Variants in ODR4 observed in about 807,000 individuals in gnomAD.
The protein encoded by ODR4 is odr-4 GPCR localization factor homolog.
Under a neutral mutation model 60.2 loss-of-function variants are expected in ODR4, and 47 were observed. The observed-to-expected ratio is 0.78, with a 90% CI of 0.62 to 1.00. The LOEUF is 1.00. Among genes scored for constraint, ODR4 ranks in the 50% least tolerant of loss-of-function variants. The pLI is 0.00. For missense variants in ODR4, 488 were observed against 530.8 expected, an observed-to-expected ratio of 0.92 and a Z score of 0.79; for synonymous variants, 178 against 175.5, an observed-to-expected ratio of 1.01 and a Z score of -0.11.
the ODR4 span, among the ~76,000 whole-genome samples, chr1:186,431,628 T>G: frequency 6.6e-6 from 1 of 152,190 alleles, no homozygotes; most frequent in Non-Finnish European, 1.5e-5. Flanking sequence ...AGTATTTTTA[T>G]GGAAGCCAAT....
chr1:186,398,990 C>G lies in ODR4; in HGVS notation c.946C>G (p.Arg316Gly). The change falls in exon 11 of 14, where the codon CGT becomes GGT. Residue 316 changes from arginine to glycine, a missense_variant. Coordinates refer to ENST00000287859, the MANE Select transcript of ODR4 (RefSeq NM_017847.6). ...KRDILNTVAD[R>G]CEMLFEDLLL... is the part of the protein sequence containing the mutation. Reference sequence around the variant, plus strand: ...GGATATATTGAACACAGTTGCTGATCGTTGTGAAATGCTATTTGAGGATCT... The same window carrying G: ...GGATATATTGAACACAGTTGCTGATGGTTGTGAAATGCTATTTGAGGATCT... The G allele has an allele frequency of 1.2e-6, 2 of 1,612,664 alleles. No homozygotes were observed. The highest frequency in any genetic ancestry group is 1.7e-6 in the Non-Finnish European group (2 of 1,179,406).
chr1:186,394,420 A>G (rs1220347097), intron 9 of ODR4, among the ~76,000 whole-genome samples: 1 of 152,162 alleles, frequency 6.6e-6, no homozygotes, highest in Admixed American at 6.5e-5. Context: ...ATACCCCCTG[A>G]TTTGATAAAA....
chr1:186,379,796 C>G lies in ODR4; in HGVS notation c.11C>G (p.Thr4Ser), dbSNP rs538443709. Residue 4 changes from threonine (T) to serine (S), a missense_variant, in exon 2 of 14, where the codon ACC (threonine) becomes AGC (serine). Transcript: ENST00000287859. The part of the protein sequence containing the change: MGR[T>S]YIVEETVGQY... Reference sequence around the variant, plus strand: ...TTTTAGTTCCTAAAAATGGGAAGAACCTACATTGTAGAAGAGACTGTTGGC... The same window carrying G: ...TTTTAGTTCCTAAAAATGGGAAGAAGCTACATTGTAGAAGAGACTGTTGGC... 1 of 1,588,044 alleles carries G rather than the reference C, an allele frequency of 6.3e-7. No homozygotes were observed. Among genetic ancestry groups the G allele is most frequent in the South Asian group, 1.2e-5 (1 of 85,944 alleles).
intron 5 of ODR4, among the ~76,000 whole-genome samples, chr1:186,388,801 A>G (rs1348848200): frequency 6.6e-6 from 1 of 152,188 alleles, no homozygotes; most frequent in African/African-American, 2.4e-5. Context: ...TTTACCAGCT[A>G]TCTGCCCTGT....
intron 7 of ODR4, among the ~76,000 whole-genome samples, chr1:186,391,144 T>C (rs61810295): frequency 9.3e-4 from 141 of 152,274 alleles, no homozygotes; most frequent in Middle Eastern, 3.4e-3. Flanking sequence ...TGCTTTGTCA[T>C]TAAACTAAAT....
At position 186,398,379 on chromosome 1, in the gene ODR4, G is replaced by A; in HGVS notation, c.847G>A (p.Gly283Ser). Residue 283 changes from glycine to serine, a missense_variant, in exon 10 of 14, where the codon GGT becomes AGT. Coordinates refer to ENST00000287859, the MANE Select transcript of ODR4 (RefSeq NM_017847.6). ...QICSGSVNLK[G>S]AVKCRAYIHS... ...ATGTAGCGGTTCTGTAAACCTTAAG[G>A]GTGCTGTGAAATGCAGAGCTTATAT... 6.2e-7 allele frequency: 1 copy of A among 1,611,344 alleles called. No individual in the cohort carries two copies. The highest frequency in any genetic ancestry group is 8.5e-7 in the Non-Finnish European group (1 of 1,178,444).
intron 4 of ODR4, among the ~76,000 whole-genome samples, chr1:186,386,854 A>C (rs1027531193): frequency 6.6e-6 from 1 of 152,184 alleles, no homozygotes; most frequent in Non-Finnish European, 1.5e-5. Flanking sequence ...CACAGTATCT[A>C]TCAGAAATCT....
At chr1:186,423,612 G>A (rs749333041), downstream of ODR4, among the ~76,000 whole-genome samples, 4 of 151,398 alleles carry the variant, frequency 2.6e-5, no homozygotes, top group African/African-American at 7.3e-5. Context: ...CCACCACCAC[G>A]CCCGGCTAAT....
chr1:186,417,671 CT>C lies in ODR4; in HGVS notation c.1297+21del. Reference sequence around the variant, plus strand: ...AAAACATAGGTATTTAATTTTACTTCTTTTATAACACTGAAAACATATTTAG... The same window carrying C: ...AAAACATAGGTATTTAATTTTACTTCTTTATAACACTGAAAACATATTTAG... On this transcript the variant is annotated intron_variant, in intron 13 of 13. Transcript: ENST00000287859. 1 of 1,230,718 alleles carries C rather than the reference CT, an allele frequency of 8.1e-7. No individual in the cohort carries two copies. 76.2% of individuals were successfully genotyped at this position (1,230,718 alleles called of 1,614,324 possible). A position where few individuals can be genotyped will look rare whatever the true frequency, so the allele number is the denominator to read the frequency against.
At chr1:186,387,840 A>G (rs1408103058) in intron 4 of ODR4, among the ~76,000 whole-genome samples, 1 of 152,144 alleles carries the variant, frequency 6.6e-6, no homozygotes, top group African/African-American at 2.4e-5. Context: ...CATTTTTATA[A>G]TTCTTATTTC....
chr1:186,396,402 A>G (rs1660675287), intron 9 of ODR4, among the ~76,000 whole-genome samples: 1 of 152,150 alleles, frequency 6.6e-6, no homozygotes, highest in African/African-American at 2.4e-5. Context: ...TGAGCCTAGG[A>G]GTTCAAGATG....
chr1:186,412,021 CCT>C (rs1247879887), intron 12 of ODR4: 1 of 173,586 alleles, frequency 5.8e-6, no homozygotes, highest in Non-Finnish European at 1.1e-5. Context: ...AGGACTCTGC[CCT>C]GTTTTTGAAA....
intron 12 of ODR4, among the ~76,000 whole-genome samples, chr1:186,409,570 G>T (rs896042178): frequency 7.2e-5 from 11 of 152,108 alleles, no homozygotes; most frequent in Non-Finnish European, 1.2e-4. Flanking sequence ...TTTTGAGACG[G>T]AGTCTCGCTC....
intron 9 of ODR4, among the ~76,000 whole-genome samples, chr1:186,397,868 C>T (rs1396767109): frequency 6.6e-6 from 1 of 152,124 alleles, no homozygotes; most frequent in Non-Finnish European, 1.5e-5. Context: ...TGTGTCTGTG[C>T]ATTGCTTGTA....
chr1:186,382,157 A>G (rs1375871574), intron 2 of ODR4, among the ~76,000 whole-genome samples: 1 of 151,044 alleles, frequency 6.6e-6, no homozygotes, highest in African/African-American at 2.4e-5. Context: ...TGTAATCCCA[A>G]TGCTTTGGGA....
chr1:186,394,048 A>AT, intron 9 of ODR4, 33 bp downstream of exon 9: 6 of 1,129,580 alleles, frequency 5.3e-6, no homozygotes, highest in Non-Finnish European at 7.7e-6. Context: ...TAAAATATTT[A>AT]TTAGCATAAC....
chr1:186,379,616 CAAG>C (rs879343539), intron 1 of ODR4, among the ~76,000 whole-genome samples, 148 bp from the exon 2 acceptor site: 8 of 152,106 alleles, frequency 5.3e-5, no homozygotes, highest in Non-Finnish European at 1.0e-4. Context: ...CTGAACTTTG[CAAG>C]AAGGAATACA....
intron 1 of ODR4, among the ~76,000 whole-genome samples, chr1:186,378,723 A>G (rs1045841274): frequency 3.9e-5 from 6 of 152,346 alleles, no homozygotes; most frequent in African/African-American, 1.4e-4. Context: ...TTGGCAAGTT[A>G]TTTAATCAAC....
intron 6 of ODR4, 63 bp downstream of exon 6, chr1:186,389,687 TTTTA>T: frequency 3.5e-6 from 4 of 1,159,394 alleles, no homozygotes; most frequent in Middle Eastern, 2.0e-4. Flanking sequence ...AAAATTCAGC[TTTTA>T]TTTAGTTTTA....
Sources: allele counts gnomAD v4.1 joint callset (sites outside exome capture counted in the v4.1 genomes callset), GRCh38; gene constraint gnomAD v4.1.1; transcripts MANE v1.5; gene names NCBI Gene and HGNC (gene_info 2026-07-23, HGNC 2026-07-21).